Variants in TSEN2 observed in about 807,000 individuals in gnomAD.
TSEN2 encodes the protein tRNA splicing endonuclease subunit 2.
In TSEN2, 54 loss-of-function variants were observed where a neutral mutation model predicts 59.2. The ratio of observed to expected loss-of-function variants is 0.91; its 90% CI spans 0.73 to 1.14. The LOEUF (loss-of-function observed/expected upper bound fraction) is 1.14, where lower values mean the gene tolerates loss of function less well. Among genes scored for constraint, TSEN2 ranks in the 50% most tolerant of loss-of-function variants. The pLI is 0.00. For synonymous variants in TSEN2, 195 were observed against 198.2 expected, an observed-to-expected ratio of 0.98 and a Z score of 0.14; for missense variants, 636 against 576.2, an observed-to-expected ratio of 1.10 and a Z score of -1.06.
At chr3:12,488,810 G>T (rs2052911423) in intron 1 of TSEN2, among the ~76,000 whole-genome samples, 1 of 152,192 alleles carries the variant, frequency 6.6e-6, no homozygotes, top group Admixed American at 6.5e-5. Flanking sequence ...GACCCTGCCT[G>T]TGCTTTCAGC....
At chr3:12,534,223 C>G (rs2057615964), downstream of TSEN2, among the ~76,000 whole-genome samples, 1 of 152,176 alleles carries the variant, frequency 6.6e-6, no homozygotes, top group East Asian at 1.9e-4. Flanking sequence ...CTGAAGCCCC[C>G]TTACTTACTG....
downstream of TSEN2, among the ~76,000 whole-genome samples, chr3:12,534,246 AT>A (rs1161481594): frequency 6.6e-6 from 1 of 152,176 alleles, no homozygotes; most frequent in African/African-American, 2.4e-5. Flanking sequence ...TATGCCTGTG[AT>A]TTTGCAAACA....
At chr3:12,517,371 A>G (rs1026857352) in intron 7 of TSEN2, among the ~76,000 whole-genome samples, 2 of 151,060 alleles carry the variant, frequency 1.3e-5, no homozygotes, top group East Asian at 3.9e-4. Context: ...AAAAAAAAAA[A>G]GAATTTGCAG....
At chr3:12,532,527 C>G (rs994715115) in intron 11 of TSEN2, 135 bp from the exon 12 acceptor site, 39 of 782,734 alleles carry the variant, frequency 5.0e-5, no homozygotes, top group Non-Finnish European at 7.8e-5. Context: ...CCAGATGTTT[C>G]TGTTCTAAAG....
At chr3:12,500,349 T>G (rs1038218827) in intron 4 of TSEN2, among the ~76,000 whole-genome samples, 5 of 152,192 alleles carry the variant, frequency 3.3e-5, no homozygotes, top group Admixed American at 3.3e-4. Context: ...TTCTACATGC[T>G]CTTCGAGCCT....
intron 6 of TSEN2, among the ~76,000 whole-genome samples, 177 bp from the exon 7 acceptor site, chr3:12,516,434 C>G (rs1025845912): frequency 5.4e-5 from 6 of 110,460 alleles, no homozygotes; most frequent in African/African-American, 1.9e-4. Flanking sequence ...CAAAAACAAA[C>G]AAACAAAATA....
chr3:12,527,003 G>A (rs1268647190), intron 8 of TSEN2, among the ~76,000 whole-genome samples: 1 of 152,238 alleles, frequency 6.6e-6, no homozygotes, highest in African/African-American at 2.4e-5. Context: ...GCTCAGGGAA[G>A]TTAATAACTT....
chr3:12,488,213 C>T (rs1377369304), intron 1 of TSEN2, among the ~76,000 whole-genome samples: 2 of 152,212 alleles, frequency 1.3e-5, no homozygotes, highest in Admixed American at 6.5e-5. Flanking sequence ...GATGGCATCC[C>T]TTGCCAATGG....
intron 4 of TSEN2, among the ~76,000 whole-genome samples, chr3:12,496,772 A>C (rs1231965416): frequency 6.6e-6 from 1 of 152,204 alleles, no homozygotes. Flanking sequence ...CTGTTTTGCC[A>C]GTTGAATTCT....
chr3:12,503,825 G>A (rs377636781), intron 5 of TSEN2, 41 bp downstream of exon 5: 15 of 1,594,814 alleles, frequency 9.4e-6, no homozygotes, highest in South Asian at 9.1e-5. Context: ...AAAGCCATCC[G>A]TTCCTGGAGA....
At chr3:12,508,828 G>A (rs1010265560) in intron 6 of TSEN2, among the ~76,000 whole-genome samples, 2 of 152,244 alleles carry the variant, frequency 1.3e-5, no homozygotes, top group African/African-American at 2.4e-5. Context: ...ACGCACACAC[G>A]CAAACACTCA....
At chr3:12,507,573 A>G (rs1281547938) in intron 6 of TSEN2, among the ~76,000 whole-genome samples, 1 of 152,184 alleles carries the variant, frequency 6.6e-6, no homozygotes, top group Admixed American at 6.5e-5. Context: ...AGCTTGTTGG[A>G]ACCTTCTTTT....
intron 5 of TSEN2, among the ~76,000 whole-genome samples, chr3:12,504,887 G>C (rs1234926056): frequency 6.6e-6 from 1 of 152,160 alleles, no homozygotes; most frequent in East Asian, 1.9e-4. Flanking sequence ...TGTAGTCCCA[G>C]CTACTGGGAA....
chr3:12,489,733 A>G, intron 1 of TSEN2, 51 bp from the exon 2 acceptor site: 1 of 1,511,904 alleles, frequency 6.6e-7, no homozygotes, highest in Non-Finnish European at 9.0e-7. Flanking sequence ...TTTTGGATCA[A>G]GGTAGTTATT....
Position 12,519,090 on chromosome 3 carries a change from C to G in TSEN2, c.992C>G (p.Ala331Gly), listed in dbSNP as rs1182794125. The G allele has an allele frequency of 6.2e-7, 1 of 1,614,172 alleles. No homozygotes were observed. The highest frequency in any genetic ancestry group is 1.1e-5 in the South Asian group (1 of 91,078). Residue 331 changes from alanine (A) to glycine (G), a missense_variant, in exon 8 of 12, where the codon GCT becomes GGT. Transcript: ENST00000284995. ...EPLTIVKLWKAFTVVQPTFRT... is the reference protein window; with the variant it reads ...EPLTIVKLWKGFTVVQPTFRT... ...TTAACGATAGTGAAGCTCTGGAAAGCTTTCACTGTAGTTCAGCCCACGTTC... is the reference window on the plus strand; with the variant it reads ...TTAACGATAGTGAAGCTCTGGAAAGGTTTCACTGTAGTTCAGCCCACGTTC...
rs2054471992 is a variant in TSEN2, at chr3:12,503,158, T to C, written c.309-104T>C. ...ATAATGCACCATTCAATAATACTGCTGTAAACATTTTGGTGTGTCACCTTC... is the reference window on the plus strand; with the variant it reads ...ATAATGCACCATTCAATAATACTGCCGTAAACATTTTGGTGTGTCACCTTC... On this transcript the variant is annotated intron_variant, in intron 4 of 11. Coordinates refer to ENST00000284995, the MANE Select transcript of TSEN2 (RefSeq NM_025265.4). 6.5e-6 allele frequency: 8 copies of C among 1,228,668 alleles called. 1 individual carries two copies. In the East Asian group the frequency reaches 1.9e-4, roughly 29 times the overall value. The allele number at this position is 1,228,668 out of a possible 1,614,324, so 76.1% of individuals were successfully genotyped here. A position where few individuals can be genotyped will look rare whatever the true frequency, so the allele number is the denominator to read the frequency against.
At chr3:12,537,899 T>C (rs2057713598), downstream of TSEN2, among the ~76,000 whole-genome samples, 1 of 152,114 alleles carries the variant, frequency 6.6e-6, no homozygotes, top group African/African-American at 2.4e-5. Flanking sequence ...TAATAATGAG[T>C]AAAGAATTAG....
intron 1 of TSEN2, among the ~76,000 whole-genome samples, chr3:12,485,463 C>G (rs1241034933): frequency 6.6e-6 from 1 of 152,146 alleles, no homozygotes; most frequent in African/African-American, 2.4e-5. Flanking sequence ...CCGGCCCCTC[C>G]GAGTCACTTT....
At chr3:12,507,182 G>C (rs1463487022) in intron 6 of TSEN2, among the ~76,000 whole-genome samples, 1 of 152,196 alleles carries the variant, frequency 6.6e-6, no homozygotes, top group Non-Finnish European at 1.5e-5. Context: ...GAAAGAGTAA[G>C]ACTCCGTCTC....
Sources: gnomAD v4.1 joint callset for allele counts (sites outside exome capture counted in the v4.1 genomes callset) on GRCh38, gnomAD v4.1.1 for gene constraint, MANE v1.5 for transcripts, NCBI Gene and HGNC (gene_info 2026-07-23, HGNC 2026-07-21) for gene names.